The following ANGEL1 variants were observed in gnomAD, a reference collection of about 807,000 sequenced individuals.
ANGEL1 encodes the protein RNA 2',3'-cyclic phosphatase ANGEL1.
Under a neutral mutation model 76.4 loss-of-function variants are expected in ANGEL1, and 62 were observed. That is an observed-to-expected ratio of 0.81 (90% CI 0.66 to 1.00). The LOEUF is 1.00. ANGEL1 is among the 50% of genes least tolerant of loss of function. The probability of loss-of-function intolerance (pLI) is 0.00; values close to 1 mark genes in which losing one functional copy is unlikely to be tolerated. For missense variants in ANGEL1, 737 were observed against 836.7 expected (o/e 0.88, Z 1.47); for synonymous variants, 340 against 331.7 (o/e 1.03, Z -0.27).
chr14:76,791,324 G>A lies in ANGEL1; in HGVS notation c.1661C>T (p.Ala554Val), dbSNP rs1894399801. ...GGAGAAGGCAGGCTCAAGCTCCGAT[G>A]CATCTTCCTCAAGGACAGACTCAGC... Reference protein sequence around the residue: ...GWAESVLEEDASELEPAFSRT... With the variant: ...GWAESVLEEDVSELEPAFSRT... The change falls in exon 8 of 10, where the codon GCA becomes GTA. Residue 554 changes from alanine (A) to valine (V), a missense_variant. Physicochemically the swap from Ala to Val is moderately conservative, Grantham distance 64. Around this residue, in one of 2 missense-constraint regions of ANGEL1, gnomAD observed 296 missense variants for 387.2 expected, o/e 0.76. Coordinates refer to ENST00000251089, the MANE Select transcript of ANGEL1 (RefSeq NM_015305.4). 6.2e-7 allele frequency: 1 copy of A among 1,614,080 alleles called. No individual in the cohort carries two copies. The highest frequency in any genetic ancestry group is 8.5e-7 in the Non-Finnish European group (1 of 1,179,988).
chr14:76,802,137 A>G (rs1332951600), intron 7 of ANGEL1, among the ~76,000 whole-genome samples: 1 of 152,078 alleles, frequency 6.6e-6, no homozygotes, highest in Non-Finnish European at 1.5e-5. Flanking sequence ...GTGCCACTGC[A>G]CTCCAGCCTG....
Position 76,809,203 on chromosome 14 carries a change from G to C in ANGEL1, c.505C>G (p.Leu169Val), listed in dbSNP as rs770505912. ...ADCAALPVGA[L>V]ATEQWEEDPA... ...TCCTCTTCCCACTGCTCTGTGGCCA[G>C]GGCACCCACTGGGAGGGCAGCACAG... The change falls in exon 2 of 10, where the codon CTG becomes GTG. Residue 169 changes from leucine to valine, a missense_variant. This residue lies in a region of ANGEL1 where 441 missense variants were observed against 449.5 expected (regional missense o/e 0.98). Transcript: ENST00000251089. The C allele has an allele frequency of 6.2e-7, 1 of 1,613,532 alleles. No individual in the cohort carries two copies. Among genetic ancestry groups the C allele is most frequent in the South Asian group, 1.1e-5 (1 of 90,986 alleles).
rs116994099 is a variant in ANGEL1, at chr14:76,809,075, C to T, written c.633G>A (p.Val211=). The stretch of plus-strand genomic sequence containing the variant: ...CAGACTCACCATGATATGGTATTTC[C>T]ACTGCGGGAGGCTGCAACTGCCCCA... ...EGLGQLQPPA[V]EIPYHEILWR... is the part of the protein sequence containing the mutation. Residue 211 remains valine, a synonymous_variant, in exon 2 of 10, where the codon GTG becomes GTA. Transcript: ENST00000251089. The T allele has an allele frequency of 0.013, 20,239 of 1,611,672 alleles. 159 individuals carry two copies. Among genetic ancestry groups the T allele is most frequent in the Middle Eastern group, 0.015 (88 of 6,052 alleles).
Position 76,786,650 on chromosome 14 carries a change from G to C in ANGEL1, c.*2578C>G, listed in dbSNP as rs2140202541. ...TTCAGGGCTCCCAGTGGGCATGTGG[G>C]CTTGGCTGGTCTTACTACATAGGGA... On this transcript the variant is annotated 3_prime_UTR_variant, in exon 10 of 10. Coordinates refer to ENST00000251089, the MANE Select transcript of ANGEL1 (RefSeq NM_015305.4). 6.6e-6 allele frequency: 1 copy of C among 152,338 alleles called. No individual in the cohort carries two copies. The highest frequency in any genetic ancestry group is 1.9e-4 in the East Asian group (1 of 5,186). 9.4% of individuals were successfully genotyped at this position (152,338 alleles called of 1,614,324 possible).
At position 76,809,509 on chromosome 14, in the gene ANGEL1, CTT is replaced by C. The variant is rs1895021761; in HGVS notation, c.197_198del (p.Glu66GlyfsTer12). 1.9e-6 allele frequency: 3 copies of C among 1,614,140 alleles called. No homozygotes were observed. Among genetic ancestry groups the C allele is most frequent in the Non-Finnish European group, 2.5e-6 (3 of 1,180,056 alleles). On this transcript the variant is annotated frameshift_variant, in exon 2 of 10. Coordinates refer to ENST00000251089, the MANE Select transcript of ANGEL1 (RefSeq NM_015305.4). LOFTEE classifies it high-confidence loss of function. The part of the protein sequence containing the change: ...ECEGLLQQWR[E>X]EGLSQVLSTA... ...GTTGAGAGCACCTGGCTCAACCCTT[CTT>C]CTCGCCACTGCTGCAGCAGGCCCTC...
chr14:76,810,697 A>C (rs999024923), intron 1 of ANGEL1, among the ~76,000 whole-genome samples: 1 of 152,224 alleles, frequency 6.6e-6, no homozygotes, highest in Non-Finnish European at 1.5e-5. Context: ...AGAGGCTATA[A>C]ATTACAAGGT....
chr14:76,809,848 A>G (rs1161644636), intron 1 of ANGEL1, among the ~76,000 whole-genome samples: 1 of 152,222 alleles, frequency 6.6e-6, no homozygotes, highest in Non-Finnish European at 1.5e-5. Context: ...ACTGTTCTTT[A>G]CAAGTGTTGA....
In ANGEL1 at chr14:76,788,772, C is replaced by T. The variant is rs1031310480; in HGVS notation, c.*456G>A. ...GCAGAAGTCTCACCCCAAGAGGACA[C>T]ATACATGATATGCATATCTCACATA... On this transcript the variant is annotated 3_prime_UTR_variant, in exon 10 of 10. Transcript: ENST00000251089. The T allele has an allele frequency of 6.8e-5, 11 of 162,026 alleles. No individual in the cohort carries two copies. Among genetic ancestry groups the T allele is most frequent in the Admixed American group, 4.8e-4 (8 of 16,816 alleles). 10.0% of individuals were successfully genotyped at this position (162,026 alleles called of 1,614,324 possible).
intron 1 of ANGEL1, among the ~76,000 whole-genome samples, chr14:76,812,001 T>G (rs757879382): frequency 1.3e-5 from 2 of 152,188 alleles, no homozygotes; most frequent in East Asian, 1.9e-4. Flanking sequence ...AGGCAAAAAG[T>G]CTGCGAGTTC....
At chr14:76,809,018 AC>A in intron 2 of ANGEL1, 40 bp downstream of exon 2, 1 of 1,560,830 alleles carries the variant, frequency 6.4e-7, no homozygotes, top group Non-Finnish European at 8.7e-7. Context: ...CACCTGAGAC[AC>A]CCTGTTCCCT....
intron 1 of ANGEL1, chr14:76,812,544 G>T (rs1895119313): frequency 1.4e-5 from 17 of 1,246,700 alleles, no homozygotes; most frequent in Admixed American, 1.3e-4. Context: ...CAACAGGCGG[G>T]AGGAGGGGCC....
At chr14:76,799,386 C>T (rs1404589104) in intron 7 of ANGEL1, among the ~76,000 whole-genome samples, 8 of 147,308 alleles carry the variant, frequency 5.4e-5, no homozygotes, top group East Asian at 2.0e-4. Context: ...CTCTGCCTCC[C>T]GCGTTCACAC....
At chr14:76,791,005 G>T (rs1036544046) in intron 8 of ANGEL1, among the ~76,000 whole-genome samples, 11 of 152,020 alleles carry the variant, frequency 7.2e-5, no homozygotes, top group Admixed American at 6.5e-4. Context: ...CTATCTGCTT[G>T]TTACCTGGTA....
In ANGEL1 at chr14:76,807,453, T is replaced by C; in HGVS notation, c.926A>G (p.Glu309Gly). 1 of 1,613,156 alleles carries C rather than the reference T, an allele frequency of 6.2e-7. No individual in the cohort carries two copies. Among genetic ancestry groups the C allele is most frequent in the Middle Eastern group, 1.7e-4 (1 of 6,046 alleles). ...VQEDHYWEQL[E>G]PSLRMMGFTC... Reference sequence around the variant, plus strand: ...ATTACCCATCATTCGCAGAGAGGGTTCCAGCTGCTCCCAGTAATGATCTTC... The same window carrying C: ...ATTACCCATCATTCGCAGAGAGGGTCCCAGCTGCTCCCAGTAATGATCTTC... The change falls in exon 4 of 10, where the codon GAA becomes GGA. Residue 309 changes from glutamate to glycine, a missense_variant. By Grantham distance (98) the Glu-to-Gly change is moderately conservative (BLOSUM62 -2). Transcript: ENST00000251089.
intron 7 of ANGEL1, among the ~76,000 whole-genome samples, chr14:76,800,671 A>G (rs985083676): frequency 1.3e-5 from 2 of 152,298 alleles, no homozygotes; most frequent in African/African-American, 4.8e-5. Context: ...GGATGTCAAT[A>G]TTAAGAAGTC....
At chr14:76,791,559 G>A (rs1300757069) in intron 7 of ANGEL1, among the ~76,000 whole-genome samples, 193 bp from the exon 8 acceptor site, 1 of 152,088 alleles carries the variant, frequency 6.6e-6, no homozygotes, top group African/African-American at 2.4e-5. Context: ...AGCAGATGTA[G>A]GGCATCTAAC....
intron 7 of ANGEL1, among the ~76,000 whole-genome samples, chr14:76,797,266 A>G (rs4903491): frequency 0.42 from 64,465 of 152,162 alleles, 13,935 homozygotes; most frequent in Middle Eastern, 0.49. Flanking sequence ...TAGGCTTGTT[A>G]AAAAACAAAC....
chr14:76,795,359 G>C (rs1008761164), intron 7 of ANGEL1, among the ~76,000 whole-genome samples: 2 of 152,000 alleles, frequency 1.3e-5, no homozygotes, highest in African/African-American at 4.8e-5. Context: ...TTGGTCTATG[G>C]TATATTGGTC....
chr14:76,805,173 AAC>A (rs1244832685), intron 5 of ANGEL1, among the ~76,000 whole-genome samples: 1 of 152,144 alleles, frequency 6.6e-6, no homozygotes, highest in Non-Finnish European at 1.5e-5. Context: ...CACCCAAAAA[AAC>A]ACCTCTGAGG....
Sources: allele counts gnomAD v4.1 joint callset (sites outside exome capture counted in the v4.1 genomes callset), GRCh38; gene constraint gnomAD v4.1.1; regional missense constraint gnomAD v4.1.1; transcripts MANE v1.5; gene names NCBI Gene and HGNC (gene_info 2026-07-23, HGNC 2026-07-21).